JAKMIP2: variants seen among roughly 807,000 people sequenced by gnomAD.
JAKMIP2 encodes the protein janus kinase and microtubule-interacting protein 2.
A neutral mutation model predicts 115.0 loss-of-function variants in JAKMIP2; 25 were observed. The observed-to-expected ratio is 0.22, with a 90% CI of 0.16 to 0.30. The LOEUF (loss-of-function observed/expected upper bound fraction) is 0.30, where lower values mean the gene tolerates loss of function less well. Ranked by LOEUF, JAKMIP2 falls within the 10% of genes least tolerant of loss-of-function variation. The pLI, the probability that JAKMIP2 is intolerant of heterozygous loss-of-function variation, is 1.00. For synonymous variants in JAKMIP2, 334 were observed against 343.6 expected, an observed-to-expected ratio of 0.97 and a Z score of 0.31; for missense variants, 642 against 957.6, an observed-to-expected ratio of 0.67 and a Z score of 4.35.
intron 19 of JAKMIP2, among the ~76,000 whole-genome samples, chr5:147,614,706 C>T (rs1433919952): frequency 6.6e-6 from 1 of 152,198 alleles, no homozygotes; most frequent in African/African-American, 2.4e-5. Context: ...TTGAGTTGTA[C>T]TCAGAATAAA....
intron 20 of JAKMIP2, among the ~76,000 whole-genome samples, chr5:147,605,203 A>ATTTTT (rs71001447): frequency 9.9e-6 from 1 of 100,508 alleles, no homozygotes; most frequent in African/African-American, 3.8e-5. Context: ...TATGTGCCAC[A>ATTTTT]TTTTTTTTTT....
chr5:147,644,038 A>G lies in JAKMIP2; in HGVS notation c.1224+20T>C, dbSNP rs1758004158. 1.3e-6 allele frequency: 2 copies of G among 1,524,600 alleles called. No individual in the cohort carries two copies. Among genetic ancestry groups the G allele is most frequent in the South Asian group, 2.7e-5 (2 of 73,752 alleles). 94.4% of individuals were successfully genotyped at this position (1,524,600 alleles called of 1,614,324 possible). A position where few individuals can be genotyped will look rare whatever the true frequency, so the allele number is the denominator to read the frequency against. ...TGTCCTTGGGAACAACTTAGGGTTT[A>G]CAGATTGATTGACACGTACCCTTGT... On this transcript the variant is annotated intron_variant, in intron 7 of 21. Coordinates refer to ENST00000616793, the MANE Select transcript of JAKMIP2 (RefSeq NM_001270941.2).
chr5:147,732,530 C>T (rs1171757052), intron 1 of JAKMIP2, among the ~76,000 whole-genome samples: 1 of 152,136 alleles, frequency 6.6e-6, no homozygotes. Flanking sequence ...AGCTATTTCT[C>T]CTTGTCTGCC....
intron 1 of JAKMIP2, among the ~76,000 whole-genome samples, chr5:147,696,262 TC>T (rs564128149): frequency 5.2e-4 from 79 of 152,240 alleles, no homozygotes; most frequent in African/African-American, 1.9e-3. Context: ...GTTCCCATAA[TC>T]CCCATGTGTC....
chr5:147,743,979 C>CTTCCTTCCTTCCTAACTTCT (rs1754246601), intron 1 of JAKMIP2, among the ~76,000 whole-genome samples: 1 of 146,628 alleles, frequency 6.8e-6, no homozygotes, highest in Non-Finnish European at 1.5e-5. Context: ...TTCTCCCTCC[C>CTTCCTTCCTTCCTAACTTCT]TTCCTTCCTT....
intron 1 of JAKMIP2, among the ~76,000 whole-genome samples, chr5:147,684,794 G>C (rs538275153): frequency 1.3e-5 from 2 of 152,146 alleles, no homozygotes; most frequent in South Asian, 4.1e-4. Flanking sequence ...CAGAGCAGAA[G>C]GGAAGAGAAA....
chr5:147,712,121 G>T (rs1046689619), intron 1 of JAKMIP2, among the ~76,000 whole-genome samples: 1 of 152,106 alleles, frequency 6.6e-6, no homozygotes, highest in African/African-American at 2.4e-5. Flanking sequence ...TTTGTTTTCA[G>T]ATCCAAATAT....
chr5:147,741,160 C>A (rs1228412666), intron 1 of JAKMIP2, among the ~76,000 whole-genome samples: 1 of 152,028 alleles, frequency 6.6e-6, no homozygotes, highest in African/African-American at 2.4e-5. Flanking sequence ...GTTAGGATAC[C>A]ACTTGATTAA....
intron 20 of JAKMIP2, among the ~76,000 whole-genome samples, chr5:147,605,396 A>C (rs1034174370): frequency 6.6e-6 from 1 of 151,828 alleles, no homozygotes; most frequent in African/African-American, 2.4e-5. Context: ...TTTTTAGTAG[A>C]GACAGGGTTT....
chr5:147,774,526 T>C (rs994929400), intron 1 of JAKMIP2, among the ~76,000 whole-genome samples: 1 of 152,198 alleles, frequency 6.6e-6, no homozygotes, highest in Admixed American at 6.5e-5. Flanking sequence ...GCCTAGATTT[T>C]ACAGAATGGT....
rs562143622 is a variant in JAKMIP2, at chr5:147,614,455, T to C, written c.2347-2084A>G. ...TTTGCCATCCACCCAACAGAAAACC[T>C]TGCTGGATCTAAAACATTCCTTTTC... On this transcript the variant is annotated intron_variant, in intron 19 of 21. Transcript: ENST00000616793. Among the ~76,000 whole-genome samples the C allele has an allele frequency of 3.9e-5, 6 of 152,324 alleles. No homozygotes were observed. The East Asian group carries it at 1.2e-3, about 29-fold the overall frequency.
intron 1 of JAKMIP2, among the ~76,000 whole-genome samples, chr5:147,772,325 T>C (rs1019866898): frequency 2.0e-5 from 3 of 152,020 alleles, no homozygotes; most frequent in African/African-American, 7.2e-5. Context: ...AATTCATTTT[T>C]AGCAAATGTT....
At chr5:147,632,581 T>C in intron 13 of JAKMIP2, 99 bp downstream of exon 13, 1 of 775,254 alleles carries the variant, frequency 1.3e-6, no homozygotes, top group East Asian at 2.5e-5. Context: ...AATGAGAGTA[T>C]GAATCTGAAA....
chr5:147,757,286 C>T (rs994117590), intron 1 of JAKMIP2, among the ~76,000 whole-genome samples: 3 of 151,948 alleles, frequency 2.0e-5, no homozygotes, highest in East Asian at 3.9e-4. Context: ...CTATCAAGGG[C>T]GAGGGAGAAC....
At chr5:147,624,900 G>T (rs1317140667) in intron 16 of JAKMIP2, among the ~76,000 whole-genome samples, 2 of 152,150 alleles carry the variant, frequency 1.3e-5, no homozygotes, top group Non-Finnish European at 2.9e-5. Flanking sequence ...GATTAAGGAA[G>T]TAAAAAACAT....
intron 1 of JAKMIP2, among the ~76,000 whole-genome samples, chr5:147,766,623 G>A (rs922303935): frequency 1.3e-5 from 2 of 152,110 alleles, no homozygotes; most frequent in African/African-American, 4.8e-5. Context: ...GGGATTCTCT[G>A]TTTATGAGAT....
intron 11 of JAKMIP2, 55 bp downstream of exon 11, chr5:147,636,910 G>A (rs1293348727): frequency 5.7e-6 from 5 of 869,872 alleles, no homozygotes; most frequent in Non-Finnish European, 1.0e-5. Flanking sequence ...TGAGCTACAG[G>A]AAGGTCAGAT....
chr5:147,622,947 G>A (rs949557380), intron 17 of JAKMIP2, among the ~76,000 whole-genome samples: 10 of 152,088 alleles, frequency 6.6e-5, no homozygotes, highest in Admixed American at 5.2e-4. Context: ...GGAACACAGG[G>A]TCTTGCTCTG....
At chr5:147,640,565 C>G in intron 9 of JAKMIP2, 139 bp downstream of exon 9, 1 of 782,978 alleles carries the variant, frequency 1.3e-6, no homozygotes, top group Non-Finnish European at 2.0e-6. Context: ...TAAAGTGCAG[C>G]CTCAAAATTG....
Sources: gnomAD v4.1 joint callset for allele counts (sites outside exome capture counted in the v4.1 genomes callset) on GRCh38, gnomAD v4.1.1 for gene constraint, MANE v1.5 for transcripts, NCBI Gene and HGNC (gene_info 2026-07-23, HGNC 2026-07-21) for gene names.